The following PAX3 variants were observed in gnomAD, a reference collection of about 807,000 sequenced individuals.
PAX3 encodes the protein paired box 3.
PAX3 carries 14 observed loss-of-function variants against 51.6 expected under a neutral mutation model. The observed-to-expected ratio is 0.27, with a 90% CI of 0.18 to 0.42. PAX3 has a LOEUF of 0.42. Ranked by LOEUF, PAX3 falls within the 10% of genes least tolerant of loss-of-function variation. PAX3 has a pLI of 1.00. For missense variants in PAX3, 540 were observed against 642.8 expected, an observed-to-expected ratio of 0.84 and a Z score of 1.73; for synonymous variants, 280 against 253.4, an observed-to-expected ratio of 1.11 and a Z score of -1.00.
At chr2:222,249,498 CA>C (rs1399321565) in intron 4 of PAX3, among the ~76,000 whole-genome samples, 2 of 152,044 alleles carry the variant, frequency 1.3e-5, no homozygotes. Flanking sequence ...TCTCCCGTTT[CA>C]AAAAAGGTTT....
At chr2:222,238,453 CAA>C (rs1692882887) in intron 4 of PAX3, among the ~76,000 whole-genome samples, 1 of 152,108 alleles carries the variant, frequency 6.6e-6, no homozygotes, top group South Asian at 2.1e-4. Context: ...AATGGAGAAA[CAA>C]AATAATTCAC....
chr2:222,295,737 T>A (rs1044063026), intron 2 of PAX3, 80 bp from the exon 3 acceptor site: 2 of 1,501,626 alleles, frequency 1.3e-6, no homozygotes, highest in African/African-American at 1.4e-5. Context: ...TCTGGGCCTG[T>A]CGGGATGCTC....
intron 4 of PAX3, among the ~76,000 whole-genome samples, chr2:222,284,383 T>C (rs749768174): frequency 1.3e-5 from 2 of 152,226 alleles, no homozygotes; most frequent in Non-Finnish European, 2.9e-5. Context: ...AAGAAAAGTT[T>C]GAGTTGGAGT....
intron 4 of PAX3, among the ~76,000 whole-genome samples, chr2:222,276,708 C>A (rs10498136): frequency 0.14 from 20,894 of 152,242 alleles, 1,716 homozygotes; most frequent in Non-Finnish European, 0.18. Flanking sequence ...CTAGAAAGTG[C>A]CTAACACAAC....
chr2:222,222,319 C>A (rs1055075508), intron 5 of PAX3, among the ~76,000 whole-genome samples: 21 of 152,034 alleles, frequency 1.4e-4, no homozygotes, highest in Non-Finnish European at 4.4e-5. Flanking sequence ...GATTTTTCCA[C>A]GGAGCACACA....
chr2:222,205,594 A>C (rs532434762), intron 7 of PAX3, among the ~76,000 whole-genome samples: 4 of 152,330 alleles, frequency 2.6e-5, no homozygotes, highest in African/African-American at 9.6e-5. Context: ...ACATTTTCCT[A>C]CATTTGGCCT....
intron 4 of PAX3, among the ~76,000 whole-genome samples, chr2:222,251,176 C>T (rs1693416876): frequency 1.3e-5 from 2 of 152,146 alleles, no homozygotes; most frequent in African/African-American, 4.8e-5. Context: ...CATATGTATA[C>T]ATGTGCCATG....
At chr2:222,235,019 A>G (rs868035161) in intron 4 of PAX3, among the ~76,000 whole-genome samples, 2 of 152,120 alleles carry the variant, frequency 1.3e-5, no homozygotes, top group Non-Finnish European at 2.9e-5. Flanking sequence ...TCTTACTATG[A>G]TCCCATTAGG....
chr2:222,207,529 A>G (rs1190577125), intron 7 of PAX3, among the ~76,000 whole-genome samples: 1 of 152,202 alleles, frequency 6.6e-6, no homozygotes, highest in East Asian at 1.9e-4. Context: ...TTAATGCATG[A>G]TGAAAAAGTA....
At chr2:222,228,767 T>A (rs1692475259) in intron 5 of PAX3, among the ~76,000 whole-genome samples, 1 of 151,870 alleles carries the variant, frequency 6.6e-6, no homozygotes. Context: ...AGACCCCAGC[T>A]CTACAAAAAA....
At chr2:222,297,284 A>C in intron 1 of PAX3, 71 bp from the exon 2 acceptor site, 2 of 1,221,702 alleles carry the variant, frequency 1.6e-6, no homozygotes, top group Non-Finnish European at 1.2e-6. Context: ...GAACAGCAGC[A>C]CGTAATTTCG....
At chr2:222,283,997 C>A (rs1694739735) in intron 4 of PAX3, among the ~76,000 whole-genome samples, 1 of 152,166 alleles carries the variant, frequency 6.6e-6, no homozygotes, top group Non-Finnish European at 1.5e-5. Context: ...ACACAGGAGC[C>A]CCCAACGTTT....
chr2:222,280,338 G>A (rs1694597503), intron 4 of PAX3, among the ~76,000 whole-genome samples: 1 of 137,522 alleles, frequency 7.3e-6, no homozygotes, highest in African/African-American at 2.7e-5. Flanking sequence ...AGGGGAGGGA[G>A]GAAGGAAAGA....
At chr2:222,296,063 T>G (rs1365286402) in intron 2 of PAX3, among the ~76,000 whole-genome samples, 1 of 152,230 alleles carries the variant, frequency 6.6e-6, no homozygotes, top group African/African-American at 2.4e-5. Context: ...AATCTGCAAC[T>G]TGTGCTTTTC....
intron 4 of PAX3, among the ~76,000 whole-genome samples, chr2:222,278,110 C>A (rs1428359686): frequency 3.9e-5 from 6 of 152,114 alleles, no homozygotes. Context: ...CATGAATACA[C>A]TGGCAATTTC....
At chr2:222,215,426 T>C (rs541385414) in intron 7 of PAX3, among the ~76,000 whole-genome samples, 2 of 152,288 alleles carry the variant, frequency 1.3e-5, no homozygotes, top group Non-Finnish European at 2.9e-5. Context: ...CCACTGATAC[T>C]GTATTTCACT....
At chr2:222,298,106 C>CAAA (rs3835977) in intron 1 of PAX3, 10 of 163,122 alleles carry the variant, frequency 6.1e-5, no homozygotes, top group African/African-American at 1.5e-4. Context: ...CTTTGCAGGG[C>CAAA]AAAAAAAAAA....
chr2:222,271,229 A>T (rs1694241096), intron 4 of PAX3, among the ~76,000 whole-genome samples: 1 of 152,194 alleles, frequency 6.6e-6, no homozygotes, highest in Non-Finnish European at 1.5e-5. Context: ...TCATAAAGCC[A>T]TGGTTATATC....
chr2:222,209,342 G>A (rs1691630867), intron 7 of PAX3, among the ~76,000 whole-genome samples: 1 of 152,082 alleles, frequency 6.6e-6, no homozygotes, highest in Non-Finnish European at 1.5e-5. Flanking sequence ...TCTTGTGAAG[G>A]AAGGTACATC....
Sources: gnomAD v4.1 joint callset for allele counts (sites outside exome capture counted in the v4.1 genomes callset) on GRCh38, gnomAD v4.1.1 for gene constraint, MANE v1.5 for transcripts, NCBI Gene and HGNC (gene_info 2026-07-23, HGNC 2026-07-21) for gene names.